Variants in AGR3 observed in about 807,000 individuals in gnomAD.
AGR3 encodes anterior gradient 3, protein disulphide isomerase family member, also known as anterior gradient protein 3.
Under a neutral mutation model 24.5 loss-of-function variants are expected in AGR3, and 37 were observed. That is an observed-to-expected ratio of 1.51 (90% CI 1.16 to 1.99). The LOEUF (loss-of-function observed/expected upper bound fraction) is 1.99, where lower values mean the gene tolerates loss of function less well. AGR3 is among the 30% of genes most tolerant of loss of function. The probability of loss-of-function intolerance (pLI) is 0.00; values close to 1 mark genes in which losing one functional copy is unlikely to be tolerated. For synonymous variants in AGR3, 75 were observed against 61.6 expected (o/e 1.22, Z -1.02); for missense variants, 228 against 191.1 (o/e 1.19, Z -1.14).
intron 2 of AGR3, among the ~76,000 whole-genome samples, chr7:16,875,183 C>A (rs1350474069): frequency 3.3e-5 from 5 of 151,902 alleles, no homozygotes; most frequent in African/African-American, 9.7e-5. Context: ...GTTGTGCAAC[C>A]ATCATCACAT....
chr7:16,864,137 C>A, intron 3 of AGR3: 1 of 536,726 alleles, frequency 1.9e-6, no homozygotes, highest in Non-Finnish European at 3.1e-6. Context: ...TGATGAAAGA[C>A]TACAGGAACG....
At chr7:16,875,321 G>T (rs1781966155) in intron 2 of AGR3, among the ~76,000 whole-genome samples, 1 of 151,892 alleles carries the variant, frequency 6.6e-6, no homozygotes, top group Non-Finnish European at 1.5e-5. Context: ...CTATAGATTT[G>T]CTTATGCTGG....
intron 3 of AGR3, among the ~76,000 whole-genome samples, chr7:16,867,213 T>A (rs112620223): frequency 2.6e-5 from 4 of 152,244 alleles, no homozygotes; most frequent in African/African-American, 9.6e-5. Context: ...ATGTGAGATA[T>A]GGATACAAAT....
At chr7:16,859,366 C>T (rs1257307452), downstream of AGR3, 4 of 456,504 alleles carry the variant, frequency 8.8e-6, no homozygotes, top group Admixed American at 3.9e-5. Flanking sequence ...TCTTGGCAGG[C>T]TTTCTTTGCT....
intron 3 of AGR3, among the ~76,000 whole-genome samples, chr7:16,868,489 C>G (rs1781803722): frequency 6.6e-6 from 1 of 152,012 alleles, no homozygotes; most frequent in South Asian, 2.1e-4. Flanking sequence ...CTATTTAGGT[C>G]TTTTGTCCAT....
intron 3 of AGR3, among the ~76,000 whole-genome samples, chr7:16,872,743 A>G (rs117403177): frequency 6.6e-6 from 1 of 152,196 alleles, no homozygotes; most frequent in Non-Finnish European, 1.5e-5. Context: ...AGGAACTCAA[A>G]CAACTCAACA....
intron 3 of AGR3, among the ~76,000 whole-genome samples, chr7:16,870,662 T>C (rs1165988581): frequency 6.6e-6 from 1 of 152,154 alleles, no homozygotes; most frequent in African/African-American, 2.4e-5. Flanking sequence ...CATACTTGTA[T>C]GAATTGTCTC....
intron 3 of AGR3, among the ~76,000 whole-genome samples, chr7:16,869,451 G>A (rs1019423998): frequency 5.3e-5 from 8 of 152,100 alleles, no homozygotes; most frequent in African/African-American, 1.7e-4. Context: ...AGTGAGGCCT[G>A]GCATGGTGGC....
chr7:16,865,055 C>T (rs1169710611), intron 3 of AGR3: 6 of 791,926 alleles, frequency 7.6e-6, no homozygotes, highest in Non-Finnish European at 1.4e-5. Context: ...GAGAGGGCAA[C>T]CAAGATGAGT....
chr7:16,868,810 C>G lies in AGR3; in HGVS notation c.173+4970G>C, dbSNP rs370414749. Among the ~76,000 whole-genome samples, 3 of 152,162 alleles carry G rather than the reference C, an allele frequency of 2.0e-5. No individual in the cohort carries two copies. In the East Asian group the frequency reaches 5.8e-4, roughly 29 times the overall value. Reference sequence around the variant, plus strand: ...TTGTGAGCATCAAAGGAGATAGGCTCTTTGGATAGCTATTCAGGATTTCCT... The same window carrying G: ...TTGTGAGCATCAAAGGAGATAGGCTGTTTGGATAGCTATTCAGGATTTCCT... On this transcript the variant is annotated intron_variant, in intron 3 of 7. Transcript: ENST00000310398.
chr7:16,858,392 G>A (rs960019257), downstream of AGR3, among the ~76,000 whole-genome samples: 1 of 152,042 alleles, frequency 6.6e-6, no homozygotes, highest in Admixed American at 6.6e-5. Context: ...TAAATAAATA[G>A]AAGACATGGT....
chr7:16,858,202 CTAGT>C (rs1380901863), downstream of AGR3, among the ~76,000 whole-genome samples: 1 of 151,942 alleles, frequency 6.6e-6, no homozygotes, highest in African/African-American at 2.4e-5. Context: ...TGACCAGGGG[CTAGT>C]TAGTCTCGAA....
chr7:16,856,393 T>C (rs1330918021), downstream of AGR3, among the ~76,000 whole-genome samples: 1 of 152,198 alleles, frequency 6.6e-6, no homozygotes, highest in Non-Finnish European at 1.5e-5. Context: ...TAAACTAGTA[T>C]TGACAATATT....
At chr7:16,881,881 G>A (rs892010769) in intron 1 of AGR3, 63 bp downstream of exon 1, 1 of 469,640 alleles carries the variant, frequency 2.1e-6, no homozygotes, top group Non-Finnish European at 4.4e-6. Flanking sequence ...AGCAAAAGGT[G>A]ATTATTTAAA....
At chr7:16,880,496 T>TCC (rs1474530563) in intron 1 of AGR3, among the ~76,000 whole-genome samples, 1 of 40,136 alleles carries the variant, frequency 2.5e-5, no homozygotes, top group East Asian at 5.4e-4. Flanking sequence ...TCCTTTCCCC[T>TCC]CCTTTCCCCT....
chr7:16,859,488 C>G lies in AGR3; in HGVS notation c.*94G>C. On this transcript the variant is annotated 3_prime_UTR_variant, in exon 8 of 8. Coordinates refer to ENST00000310398, the MANE Select transcript of AGR3 (RefSeq NM_176813.5). ...AAACTAAATAGTAATATTACAAAAT[C>G]TATATACTTGCACATTTAGTATTTG... 1.3e-6 allele frequency: 1 copy of G among 792,364 alleles called. No homozygotes were observed. Among genetic ancestry groups the G allele is most frequent in the Non-Finnish European group, 2.0e-6 (1 of 498,054 alleles). 49.1% of individuals were successfully genotyped at this position (792,364 alleles called of 1,614,324 possible). A position where few individuals can be genotyped will look rare whatever the true frequency, so the allele number is the denominator to read the frequency against.
chr7:16,856,731 G>T (rs916789898), downstream of AGR3, among the ~76,000 whole-genome samples: 7 of 151,908 alleles, frequency 4.6e-5, no homozygotes, highest in Non-Finnish European at 1.5e-5. Flanking sequence ...TAAAATGTTG[G>T]CTGTGTTAGG....
At chr7:16,865,288 G>C in intron 3 of AGR3, 1 of 1,062,192 alleles carries the variant, frequency 9.4e-7, no homozygotes, top group South Asian at 1.3e-5. Context: ...GAAGAAATCT[G>C]GAGGCTGTTT....
Position 16,864,351 on chromosome 7 carries a change from C to T in AGR3, c.174-1689G>A, listed in dbSNP as rs561603441. The T allele has an allele frequency of 1.1e-4, 154 of 1,341,964 alleles. 3 individuals are homozygous for T. In the South Asian group the frequency reaches 1.5e-3, roughly 13 times the overall value. The allele number at this position is 1,341,964 out of a possible 1,614,324, so 83.1% of individuals were successfully genotyped here. ...AAAAGAGCTGAGGCTGGCTGGCAGG[C>T]AGTTCACTGGCACTATTCTGACTCA... On this transcript the variant is annotated intron_variant, in intron 3 of 7. Transcript: ENST00000310398.
Sources: gnomAD v4.1 joint callset for allele counts (sites outside exome capture counted in the v4.1 genomes callset) on GRCh38, gnomAD v4.1.1 for gene constraint, MANE v1.5 for transcripts, NCBI Gene and HGNC (gene_info 2026-07-23, HGNC 2026-07-21) for gene names.